FHOD3: variants seen among roughly 807,000 people sequenced by gnomAD.
FHOD3 encodes formin homology 2 domain containing 3, also known as FH1/FH2 domain-containing protein 3.
A neutral mutation model predicts 173.0 loss-of-function variants in FHOD3; 90 were observed. The ratio of observed to expected loss-of-function variants is 0.52; its 90% CI spans 0.44 to 0.62. The LOEUF is 0.62. FHOD3 is among the 20% of genes least tolerant of loss of function. FHOD3 has a pLI of 0.00. For missense variants in FHOD3, 1,945 were observed against 2,034.7 expected (o/e 0.96, Z 0.85); for synonymous variants, 828 against 823.0 (o/e 1.01, Z -0.10).
At chr18:36,751,154 T>C (rs1291646889) in intron 24 of FHOD3, among the ~76,000 whole-genome samples, 2 of 152,242 alleles carry the variant, frequency 1.3e-5, no homozygotes, top group Non-Finnish European at 2.9e-5. Context: ...TCTGATTTCT[T>C]TGAGCAGTGT....
At chr18:36,629,236 G>T (rs2034331401) in intron 10 of FHOD3, among the ~76,000 whole-genome samples, 1 of 152,164 alleles carries the variant, frequency 6.6e-6, no homozygotes, top group Non-Finnish European at 1.5e-5. Context: ...GGTCTCTATT[G>T]CAACTACTCA....
At chr18:36,390,821 GTTATTA>G (rs780272826) in intron 3 of FHOD3, among the ~76,000 whole-genome samples, 1 of 152,324 alleles carries the variant, frequency 6.6e-6, no homozygotes, top group East Asian at 1.9e-4. Context: ...GAAGTAGGAA[GTTATTA>G]AACCGTCAGA....
At chr18:36,531,395 A>C (rs1392025242) in intron 5 of FHOD3, among the ~76,000 whole-genome samples, 2 of 151,830 alleles carry the variant, frequency 1.3e-5, no homozygotes, top group Non-Finnish European at 2.9e-5. Context: ...TTTTTCTTTC[A>C]ACTGTGCCCC....
rs375142550 is a variant in FHOD3 at position 36,319,574 on chromosome 18, T to A, written c.165+21574T>A. On this transcript the variant is annotated intron_variant, in intron 1 of 28. Coordinates refer to ENST00000590592, the MANE Select transcript of FHOD3 (RefSeq NM_001281740.3). Reference sequence around the variant, plus strand: ...CACTCCACTGTCAATATTAGACAGATCAATGAGACAGAAAATTAGCAATGA... The same window carrying A: ...CACTCCACTGTCAATATTAGACAGAACAATGAGACAGAAAATTAGCAATGA... 1.9e-3 allele frequency among the ~76,000 whole-genome samples: 286 copies of A among 152,316 alleles called. 2 individuals carry two copies. Among genetic ancestry groups the A allele is most frequent in the African/African-American group, 6.6e-3 (273 of 41,566 alleles).
At chr18:36,533,390 G>A (rs1395641515) in intron 5 of FHOD3, among the ~76,000 whole-genome samples, 1 of 152,228 alleles carries the variant, frequency 6.6e-6, no homozygotes, top group Non-Finnish European at 1.5e-5. Context: ...TGCTGGCCAG[G>A]TCCTAGAGGC....
chr18:36,496,407 A>G (rs1180177682), intron 3 of FHOD3, among the ~76,000 whole-genome samples: 1 of 152,228 alleles, frequency 6.6e-6, no homozygotes, highest in African/African-American at 2.4e-5. Context: ...ATTTACAAAC[A>G]TCCTTGCATC....
At chr18:36,419,958 G>T (rs1170050794) in intron 3 of FHOD3, among the ~76,000 whole-genome samples, 1 of 152,248 alleles carries the variant, frequency 6.6e-6, no homozygotes, top group Non-Finnish European at 1.5e-5. Flanking sequence ...ACTTCCTTGA[G>T]GAAGATACTG....
intron 3 of FHOD3, among the ~76,000 whole-genome samples, chr18:36,441,777 G>T (rs2051168721): frequency 6.6e-6 from 1 of 152,192 alleles, no homozygotes; most frequent in Non-Finnish European, 1.5e-5. Context: ...CGCAGTGCCT[G>T]CCCCGTGGAA....
At chr18:36,556,026 A>T (rs930838922) in intron 5 of FHOD3, among the ~76,000 whole-genome samples, 39 of 151,940 alleles carry the variant, frequency 2.6e-4, no homozygotes, top group Non-Finnish European at 8.8e-5. Flanking sequence ...GATCTTTTAT[A>T]TTTATTGTGA....
At chr18:36,759,177 T>C in intron 26 of FHOD3, 36 bp downstream of exon 26, 1 of 1,531,230 alleles carries the variant, frequency 6.5e-7, no homozygotes, top group Non-Finnish European at 8.8e-7. Context: ...ATGCCACATT[T>C]TACCACCTCA....
At chr18:36,412,355 A>ATT (rs1371209665) in intron 3 of FHOD3, among the ~76,000 whole-genome samples, 1 of 152,254 alleles carries the variant, frequency 6.6e-6, no homozygotes, top group African/African-American at 2.4e-5. Context: ...AGTATTTTAA[A>ATT]TTAAACTAAA....
At chr18:36,492,035 T>C (rs2054499755) in intron 3 of FHOD3, among the ~76,000 whole-genome samples, 1 of 152,210 alleles carries the variant, frequency 6.6e-6, no homozygotes, top group Non-Finnish European at 1.5e-5. Flanking sequence ...AGAATGTTCT[T>C]GGGTTTAGCT....
chr18:36,703,111 G>A (rs988182984), intron 17 of FHOD3, among the ~76,000 whole-genome samples: 16 of 152,304 alleles, frequency 1.1e-4, no homozygotes, highest in African/African-American at 2.9e-4. Context: ...ACTAGCGGTC[G>A]TGGGACACTG....
rs761208188 is a variant in FHOD3 at position 36,693,182 on chromosome 18, G to T, written c.2022-27G>T. The T allele has an allele frequency of 1.0e-5, 16 of 1,600,140 alleles. No individual in the cohort carries two copies. In the South Asian group the frequency reaches 1.5e-4, roughly 15 times the overall value. On this transcript the variant is annotated intron_variant, in intron 16 of 28. Coordinates refer to ENST00000590592, the MANE Select transcript of FHOD3 (RefSeq NM_001281740.3). The stretch of plus-strand genomic sequence containing the variant: ...GCCACAGGCTCCTCTTTCGTTTGAC[G>T]GAAACCCTTTGGAATTTAACTTTCA...
intron 1 of FHOD3, among the ~76,000 whole-genome samples, chr18:36,319,761 A>T (rs2044299353): frequency 6.6e-6 from 1 of 152,214 alleles, no homozygotes. Flanking sequence ...AGCAAATGTA[A>T]AAGAACAGAA....
At chr18:36,466,104 A>C (rs1157133419) in intron 3 of FHOD3, among the ~76,000 whole-genome samples, 1 of 152,016 alleles carries the variant, frequency 6.6e-6, no homozygotes, top group Non-Finnish European at 1.5e-5. Context: ...AAATAAATAC[A>C]TGTTACTCTC....
At chr18:36,723,295 AT>A (rs1481714282) in intron 19 of FHOD3, among the ~76,000 whole-genome samples, 1 of 152,148 alleles carries the variant, frequency 6.6e-6, no homozygotes, top group African/African-American at 2.4e-5. Flanking sequence ...CTGGCAAGAA[AT>A]TTTATTTCTG....
chr18:36,762,795 C>T (rs1316947580), intron 27 of FHOD3, among the ~76,000 whole-genome samples: 2 of 146,582 alleles, frequency 1.4e-5, no homozygotes, highest in African/African-American at 5.0e-5. Context: ...GACTCTGTCT[C>T]AAAATATATA....
At chr18:36,529,063 A>G (rs1290784249) in intron 5 of FHOD3, among the ~76,000 whole-genome samples, 4 of 152,240 alleles carry the variant, frequency 2.6e-5, no homozygotes, top group Non-Finnish European at 4.4e-5. Flanking sequence ...GGCAGATGGC[A>G]GCATTTTCCC....
Sources: allele counts gnomAD v4.1 joint callset (sites outside exome capture counted in the v4.1 genomes callset), GRCh38; gene constraint gnomAD v4.1.1; transcripts MANE v1.5; gene names NCBI Gene and HGNC (gene_info 2026-07-23, HGNC 2026-07-21).